DOCK2: variants seen among roughly 807,000 people sequenced by gnomAD.
The protein encoded by DOCK2 is dedicator of cytokinesis protein 2.
DOCK2 carries 87 observed loss-of-function variants against 248.9 expected under a neutral mutation model. The ratio of observed to expected loss-of-function variants is 0.35; its 90% confidence interval spans 0.29 to 0.42. DOCK2 has a LOEUF of 0.42. Ranked by LOEUF, DOCK2 falls within the 10% of genes least tolerant of loss-of-function variation. The pLI, the probability that DOCK2 is intolerant of heterozygous loss-of-function variation, is 1.00. For missense variants in DOCK2, 1,747 were observed against 2,300.2 expected (o/e 0.76, Z 4.92); for synonymous variants, 805 against 821.6 (o/e 0.98, Z 0.35).
intron 6 of DOCK2, among the ~76,000 whole-genome samples, chr5:169,678,248 A>G (rs972777487): frequency 2.0e-5 from 3 of 152,060 alleles, no homozygotes; most frequent in Non-Finnish European, 2.9e-5. Context: ...TCTCAAGGTT[A>G]CATCTTCAGT....
At chr5:170,052,318 C>T (rs1440326059) in intron 41 of DOCK2, among the ~76,000 whole-genome samples, 5 of 152,038 alleles carry the variant, frequency 3.3e-5, no homozygotes, top group Non-Finnish European at 5.9e-5. Context: ...TGGTTATAGG[C>T]GAGACATAGG....
intron 27 of DOCK2, among the ~76,000 whole-genome samples, chr5:169,954,544 C>T (rs1042914470): frequency 6.6e-6 from 1 of 152,238 alleles, no homozygotes; most frequent in African/African-American, 2.4e-5. Context: ...CAGAATCAGG[C>T]AGAGCCTGGG....
chr5:169,805,020 T>G (rs1264803716), intron 26 of DOCK2, among the ~76,000 whole-genome samples: 1 of 151,798 alleles, frequency 6.6e-6, no homozygotes, highest in Non-Finnish European at 1.5e-5. Context: ...TAAAGGGAGA[T>G]TTCAGTCTTA....
chr5:169,873,010 C>T lies in DOCK2; in HGVS notation c.2799+32158C>T, dbSNP rs995636544. ...ACTAACTTGATGGAGAAATAAAGAT[C>T]GGATCACTCTGTGATCACCTGTGGC... On this transcript the variant is annotated intron_variant, in intron 27 of 51. Transcript: ENST00000520908. 2.0e-5 allele frequency among the ~76,000 whole-genome samples: 3 copies of T among 152,192 alleles called. No homozygotes were observed. In the East Asian group the frequency reaches 5.8e-4, roughly 29 times the overall value.
At position 169,961,978 on chromosome 5, in the gene DOCK2, C is replaced by CAAAAAAAAAAAAAAAAAAAAAAAAAAAAA. The variant is rs70979150; in HGVS notation, c.2800-21073_2800-21072insAAAAAAAAAAAAAAAAAAAAAAAAAAAAA. The stretch of plus-strand genomic sequence containing the variant: ...TGGGTGAAAAAGTGAGACTCTGTCC[C>CAAAAAAAAAAAAAAAAAAAAAAAAAAAAA]AAAAAAAAAAAAAAAAATGGAGAAA... On this transcript the variant is annotated intron_variant, in intron 27 of 51. Coordinates refer to ENST00000520908, the MANE Select transcript of DOCK2 (RefSeq NM_004946.3). Among the ~76,000 whole-genome samples, 4 of 74,652 alleles carry CAAAAAAAAAAAAAAAAAAAAAAAAAAAAA rather than the reference C, an allele frequency of 5.4e-5. 2 individuals are homozygous for CAAAAAAAAAAAAAAAAAAAAAAAAAAAAA. Among genetic ancestry groups the CAAAAAAAAAAAAAAAAAAAAAAAAAAAAA allele is most frequent in the African/African-American group, 2.7e-4 (4 of 14,774 alleles). The allele number at this position is 74,652 out of a possible 152,430, so 49.0% of individuals were successfully genotyped here. A position where few individuals can be genotyped will look rare whatever the true frequency, so the allele number is the denominator to read the frequency against.
chr5:169,689,467 C>G, intron 9 of DOCK2, 134 bp downstream of exon 9: 1 of 860,572 alleles, frequency 1.2e-6, no homozygotes, highest in African/African-American at 1.7e-5. Context: ...AAGCAGAAAT[C>G]CAAAGCTGAC....
rs1769955169 is a variant in DOCK2 at position 169,841,283 on chromosome 5, A to T, written c.2799+431A>T. On this transcript the variant is annotated intron_variant, in intron 27 of 51. Transcript: ENST00000520908. ...CATTGCGTGTTAATTCTGCCCATAG[A>T]TGCTGGTTATTCAAGGTCATTACTA... is the stretch of plus-strand genomic sequence containing the variant. 3 of 971,274 alleles carry T rather than the reference A, an allele frequency of 3.1e-6. No individual in the cohort carries two copies. The South Asian group carries it at 1.3e-4, about 41-fold the overall frequency. The allele number at this position is 971,274 out of a possible 1,614,324, so 60.2% of individuals were successfully genotyped here.
At chr5:169,771,985 C>T (rs1371670121) in intron 25 of DOCK2, among the ~76,000 whole-genome samples, 1 of 152,188 alleles carries the variant, frequency 6.6e-6, no homozygotes, top group Non-Finnish European at 1.5e-5. Context: ...TCTTTCCCAG[C>T]TTCATCTGCT....
intron 32 of DOCK2, among the ~76,000 whole-genome samples, chr5:170,017,076 C>T (rs1439157536): frequency 6.6e-6 from 1 of 152,082 alleles, no homozygotes; most frequent in Non-Finnish European, 1.5e-5. Context: ...AGGATGATGC[C>T]TTTTTTATTT....
intron 27 of DOCK2, among the ~76,000 whole-genome samples, chr5:169,864,072 G>T (rs1397662123): frequency 6.6e-6 from 1 of 152,196 alleles, no homozygotes; most frequent in Non-Finnish European, 1.5e-5. Flanking sequence ...CCCTCAGCAA[G>T]CAGTCGCACG....
chr5:169,715,860 T>C (rs1761880180), intron 19 of DOCK2, among the ~76,000 whole-genome samples: 1 of 152,182 alleles, frequency 6.6e-6, no homozygotes, highest in Non-Finnish European at 1.5e-5. Flanking sequence ...TCAAATTTCA[T>C]AAGAATGGAA....
intron 42 of DOCK2, 176 bp from the exon 43 acceptor site, chr5:170,056,508 T>G (rs17738710): frequency 0.11 from 58,902 of 543,830 alleles, 6,587 homozygotes; most frequent in East Asian, 0.47. Flanking sequence ...GGAAAGCCTG[T>G]GCAAAAGTCA....
intron 27 of DOCK2, among the ~76,000 whole-genome samples, chr5:169,856,349 G>A (rs965007404): frequency 3.3e-4 from 50 of 152,272 alleles, no homozygotes; most frequent in African/African-American, 1.2e-3. Context: ...TGCATTTTCC[G>A]CTCAGTGTCC....
At chr5:169,883,333 G>C in intron 27 of DOCK2, 1 of 1,551,594 alleles carries the variant, frequency 6.4e-7, no homozygotes, top group Non-Finnish European at 8.7e-7. Flanking sequence ...CCAAGTTCCT[G>C]CTTCCAAGCA....
intron 49 of DOCK2, 62 bp downstream of exon 49, chr5:170,079,208 C>A: frequency 6.4e-7 from 1 of 1,558,794 alleles, no homozygotes; most frequent in Non-Finnish European, 8.7e-7. Flanking sequence ...ACATGCTGGG[C>A]ACAAAACCCA....
chr5:169,723,668 T>C (rs924283734), intron 22 of DOCK2, among the ~76,000 whole-genome samples: 1 of 152,164 alleles, frequency 6.6e-6, no homozygotes, highest in African/African-American at 2.4e-5. Context: ...CCAGATCCAT[T>C]TGTTAACTCC....
chr5:169,696,175 G>T (rs1031812648), intron 10 of DOCK2, among the ~76,000 whole-genome samples: 2 of 152,236 alleles, frequency 1.3e-5, no homozygotes, highest in South Asian at 4.1e-4. Context: ...GTAGAGCATC[G>T]GGAGACCGGG....
chr5:169,796,316 T>G (rs1766651934), intron 25 of DOCK2, among the ~76,000 whole-genome samples: 1 of 152,098 alleles, frequency 6.6e-6, no homozygotes, highest in African/African-American at 2.4e-5. Flanking sequence ...AGTGTCCATC[T>G]TGTCTTATGT....
At chr5:169,838,209 G>A (rs1389441321) in intron 26 of DOCK2, among the ~76,000 whole-genome samples, 9 of 152,162 alleles carry the variant, frequency 5.9e-5, no homozygotes, top group African/African-American at 2.2e-4. Flanking sequence ...AACCCCCCAA[G>A]CAGCCACCAG....
Sources: allele counts gnomAD v4.1 joint callset (sites outside exome capture counted in the v4.1 genomes callset), GRCh38; gene constraint gnomAD v4.1.1; transcripts MANE v1.5; gene names NCBI Gene and HGNC (gene_info 2026-07-23, HGNC 2026-07-21).